NRG3: variants seen among roughly 807,000 people sequenced by gnomAD.
NRG3 encodes neuregulin 3.
Under a neutral mutation model 66.9 loss-of-function variants are expected in NRG3, and 31 were observed. The observed-to-expected ratio is 0.46, with a 90% CI of 0.35 to 0.63. NRG3 has a LOEUF of 0.63. Among genes scored for constraint, NRG3 ranks in the 20% least tolerant of loss-of-function variants. NRG3 has a pLI of 0.00. For synonymous variants in NRG3, 393 were observed against 359.4 expected, an observed-to-expected ratio of 1.09 and a Z score of -1.06; for missense variants, 910 against 878.9, an observed-to-expected ratio of 1.04 and a Z score of -0.45.
intron 1 of NRG3, among the ~76,000 whole-genome samples, chr10:82,265,563 T>A (rs567960442): frequency 6.6e-6 from 1 of 152,296 alleles, no homozygotes; most frequent in African/African-American, 2.4e-5. Flanking sequence ...TGTGGCGTAA[T>A]AATAGATAAC....
chr10:81,877,827 A>G, intron 1 of NRG3: 1 of 1,438,172 alleles, frequency 7.0e-7, no homozygotes, highest in Non-Finnish European at 9.1e-7. Flanking sequence ...TCCACTCAAC[A>G]AATCTAGCTT....
At chr10:82,799,043 A>G (rs1297480256) in intron 3 of NRG3, among the ~76,000 whole-genome samples, 1 of 152,222 alleles carries the variant, frequency 6.6e-6, no homozygotes, top group Non-Finnish European at 1.5e-5. Flanking sequence ...GAAGAGGATT[A>G]TTTAGACAAT....
chr10:82,795,109 T>A (rs980774328), intron 3 of NRG3, among the ~76,000 whole-genome samples: 1 of 152,254 alleles, frequency 6.6e-6, no homozygotes, highest in Non-Finnish European at 1.5e-5. Context: ...GAATAATTGA[T>A]TTCCATTACT....
At chr10:82,545,723 G>T (rs1565052374) in intron 2 of NRG3, among the ~76,000 whole-genome samples, 1 of 149,052 alleles carries the variant, frequency 6.7e-6, no homozygotes, top group East Asian at 2.0e-4. Flanking sequence ...TCTGTGTAAT[G>T]CTATCTTTCT....
At chr10:82,675,022 C>T (rs886620522) in intron 2 of NRG3, among the ~76,000 whole-genome samples, 10 of 151,522 alleles carry the variant, frequency 6.6e-5, no homozygotes, top group African/African-American at 1.5e-4. Context: ...TGCAATGGCG[C>T]GCCTCGGCTC....
At chr10:82,114,033 C>T (rs1418002057) in intron 1 of NRG3, among the ~76,000 whole-genome samples, 1 of 152,144 alleles carries the variant, frequency 6.6e-6, no homozygotes, top group Non-Finnish European at 1.5e-5. Context: ...CTTTGTCTGT[C>T]TATCAGTCTC....
intron 2 of NRG3, among the ~76,000 whole-genome samples, chr10:82,687,723 T>TG (rs896142399): frequency 1.3e-5 from 2 of 151,654 alleles, no homozygotes; most frequent in African/African-American, 4.8e-5. Context: ...TGTAATATGG[T>TG]GGGGGGAGGG....
At chr10:82,693,213 G>A (rs1205412173) in intron 2 of NRG3, among the ~76,000 whole-genome samples, 1 of 151,970 alleles carries the variant, frequency 6.6e-6, no homozygotes, top group Non-Finnish European at 1.5e-5. Context: ...ATCTCCCTAA[G>A]TAATGTGATA....
intron 2 of NRG3, among the ~76,000 whole-genome samples, chr10:82,730,343 C>T (rs2134637428): frequency 6.6e-6 from 1 of 152,238 alleles, no homozygotes; most frequent in South Asian, 2.1e-4. Flanking sequence ...CTCAGCCTCC[C>T]AAAGTTCTGG....
rs1218560243 is a variant in NRG3 at position 81,875,203 on chromosome 10, T to C, written c.-138T>C. The C allele has an allele frequency of 6.7e-6, 2 of 300,740 alleles. No individual in the cohort carries two copies. Among genetic ancestry groups the C allele is most frequent in the African/African-American group, 4.7e-5 (2 of 42,470 alleles). 18.6% of individuals were successfully genotyped at this position (300,740 alleles called of 1,614,324 possible). On this transcript the variant is annotated 5_prime_UTR_variant, in exon 1 of 9. The change abolishes an upstream ATG in the 5' untranslated region. Coordinates refer to ENST00000372141, the MANE Select transcript of NRG3 (RefSeq NM_001010848.4). This position sits in a 1 kb window ranked among gnomAD's most constrained non-coding sequence, Gnocchi z 5.3. ...CGTGGGGGCAGGGAGCGGATTTGCA[T>C]GCGGCCGCCGCGGCCGCTGCCTGCG...
intron 1 of NRG3, among the ~76,000 whole-genome samples, chr10:82,294,432 GA>G (rs2079931768): frequency 1.5e-5 from 2 of 130,516 alleles, no homozygotes; most frequent in South Asian, 4.7e-4. Flanking sequence ...TTCTACTGAT[GA>G]AGTGTGTGTG....
intron 3 of NRG3, among the ~76,000 whole-genome samples, chr10:82,829,373 A>G (rs1300600325): frequency 2.0e-5 from 3 of 152,174 alleles, no homozygotes; most frequent in Non-Finnish European, 2.9e-5. Flanking sequence ...GAGGTCTGGA[A>G]TAGTCAGAGA....
chr10:82,050,760 C>T (rs1050751696), intron 1 of NRG3, among the ~76,000 whole-genome samples: 3 of 151,900 alleles, frequency 2.0e-5, no homozygotes, highest in African/African-American at 7.3e-5. Flanking sequence ...TCGTTTCCTC[C>T]TCCCATCTCT....
intron 4 of NRG3, among the ~76,000 whole-genome samples, chr10:82,944,662 C>G (rs977020647): frequency 6.6e-6 from 1 of 152,132 alleles, no homozygotes; most frequent in African/African-American, 2.4e-5. Flanking sequence ...TTGCCCCTCT[C>G]GACTTACTAA....
At chr10:82,487,905 A>G (rs1421326161) in intron 2 of NRG3, among the ~76,000 whole-genome samples, 2 of 152,214 alleles carry the variant, frequency 1.3e-5, no homozygotes, top group South Asian at 2.1e-4. Flanking sequence ...TGGGCTTACA[A>G]TGATTAAAGA....
intron 1 of NRG3, among the ~76,000 whole-genome samples, chr10:82,294,128 A>G (rs1244503499): frequency 3.3e-5 from 5 of 152,154 alleles, no homozygotes; most frequent in Admixed American, 6.5e-5. Context: ...AGAAAGAGCA[A>G]TTAGGCCCTG....
intron 3 of NRG3, among the ~76,000 whole-genome samples, chr10:82,772,790 C>T (rs1308289461): frequency 6.7e-5 from 10 of 149,016 alleles, no homozygotes; most frequent in South Asian, 4.3e-4. Flanking sequence ...ATTGCAGCCT[C>T]GACCTCCTGG....
chr10:82,072,320 A>C (rs1293579172), intron 1 of NRG3, among the ~76,000 whole-genome samples: 1 of 152,200 alleles, frequency 6.6e-6, no homozygotes, highest in Non-Finnish European at 1.5e-5. Flanking sequence ...CTTTGGGATA[A>C]TTGCTTGTTC....
chr10:82,971,602 A>G (rs191869768), intron 6 of NRG3, among the ~76,000 whole-genome samples: 109 of 152,040 alleles, frequency 7.2e-4, no homozygotes, highest in African/African-American at 2.4e-3. Context: ...ATGCCCAGCT[A>G]ATTTTTGTAC....
Sources: gnomAD v4.1 joint callset for allele counts (sites outside exome capture counted in the v4.1 genomes callset) on GRCh38, gnomAD v4.1.1 for gene constraint, Gnocchi (gnomAD v3.1) non-coding constraint, MANE v1.5 for transcripts, NCBI Gene and HGNC (gene_info 2026-07-23, HGNC 2026-07-21) for gene names.